The following SLAMF9 variants were observed in gnomAD, a reference collection of about 807,000 sequenced individuals.
The protein encoded by SLAMF9 is CD2 family member 10.
In SLAMF9, 25 loss-of-function variants were observed where a neutral mutation model predicts 30.4. The observed-to-expected ratio is 0.82, with a 90% CI of 0.60 to 1.15. The LOEUF is 1.15. Among genes scored for constraint, SLAMF9 ranks in the 50% most tolerant of loss-of-function variants. The pLI is 0.00. For synonymous variants in SLAMF9, 129 were observed against 127.2 expected (o/e 1.01, Z -0.09); for missense variants, 344 against 346.1 (o/e 0.99, Z 0.05).
chr1:159,980,820 C>T, the SLAMF9 span, among the ~76,000 whole-genome samples: 6,126 of 152,320 alleles, frequency 0.04, 216 homozygotes, highest in African/African-American at 0.096. Flanking sequence ...GGATTACAGG[C>T]GTAAGCCACC....
chr1:159,972,963 C>G, the SLAMF9 span: 1 of 1,184,914 alleles, frequency 8.4e-7, no homozygotes, highest in African/African-American at 1.6e-5. Flanking sequence ...ATGCCCAGAC[C>G]CCTGGGGGCG....
At chr1:159,960,404 C>T in the SLAMF9 span, among the ~76,000 whole-genome samples, 1 of 151,648 alleles carries the variant, frequency 6.6e-6, no homozygotes, top group South Asian at 2.1e-4. Context: ...ATGGAGTGCC[C>T]CATGAAGTTT....
At chr1:159,971,334 G>A in the SLAMF9 span, among the ~76,000 whole-genome samples, 6 of 152,248 alleles carry the variant, frequency 3.9e-5, no homozygotes, top group Admixed American at 3.3e-4. Context: ...CTGATTCTTC[G>A]CTAGGCAACA....
upstream of SLAMF9, among the ~76,000 whole-genome samples, chr1:159,955,580 A>C (rs150138915): frequency 6.6e-6 from 1 of 152,222 alleles, no homozygotes; most frequent in Admixed American, 6.5e-5. Context: ...TGGTCCATAC[A>C]CTGTCTTAAG....
chr1:159,972,896 T>C, the SLAMF9 span: 1 of 991,188 alleles, frequency 1.0e-6, no homozygotes, highest in Non-Finnish European at 1.4e-6. Flanking sequence ...CCTGGCTCCC[T>C]CCTCTCCTGG....
In SLAMF9 at chr1:159,953,350, G is replaced by A. The variant is rs1467958082; in HGVS notation, c.350C>T (p.Ser117Phe). ...LYQAQVNLRTSQISTMQQYNI... is the reference protein window; with the variant it reads ...LYQAQVNLRTFQISTMQQYNI... Reference sequence around the variant, plus strand: ...GTACTGCTGCATGGTAGAGATCTGGGATGTTCTCAGGTTGACTTGAGCTTG... The same window carrying A: ...GTACTGCTGCATGGTAGAGATCTGGAATGTTCTCAGGTTGACTTGAGCTTG... Residue 117 changes from serine to phenylalanine, a missense_variant, in exon 2 of 4, where the codon TCC becomes TTC. Physicochemically the swap from Ser to Phe is radical, Grantham distance 155. Coordinates refer to ENST00000368093, the MANE Select transcript of SLAMF9 (RefSeq NM_033438.4). 6.2e-7 allele frequency: 1 copy of A among 1,612,652 alleles called. No homozygotes were observed. Among genetic ancestry groups the A allele is most frequent in the South Asian group, 1.1e-5 (1 of 91,082 alleles).
upstream of SLAMF9, among the ~76,000 whole-genome samples, chr1:159,957,139 A>G (rs1651939770): frequency 4.3e-5 from 1 of 23,164 alleles, no homozygotes; most frequent in Non-Finnish European, 1.1e-4. Context: ...AAAAAAAAAG[A>G]CAAAAAAAAA....
At chr1:159,966,073 C>T in the SLAMF9 span, among the ~76,000 whole-genome samples, 1,654 of 152,316 alleles carry the variant, frequency 0.011, 13 homozygotes, top group South Asian at 0.033. Context: ...TCTTGTTTAG[C>T]TGAAACTTTG....
the SLAMF9 span, among the ~76,000 whole-genome samples, chr1:159,981,594 G>A: frequency 3.9e-5 from 6 of 152,334 alleles, no homozygotes; most frequent in East Asian, 3.9e-4. Flanking sequence ...CCATTCTCCC[G>A]TGACTGGCCT....
At chr1:159,960,017 T>C in the SLAMF9 span, among the ~76,000 whole-genome samples, 1 of 151,732 alleles carries the variant, frequency 6.6e-6, no homozygotes, top group Non-Finnish European at 1.5e-5. Context: ...TCTTTATATA[T>C]ATATATATAT....
chr1:159,959,335 T>C, the SLAMF9 span, among the ~76,000 whole-genome samples: 1 of 152,090 alleles, frequency 6.6e-6, no homozygotes, highest in Non-Finnish European at 1.5e-5. Context: ...CTATTCTGGG[T>C]GGTCCTTTGC....
At chr1:159,961,553 A>T in the SLAMF9 span, 1 of 110,770 alleles carries the variant, frequency 9.0e-6, no homozygotes, top group Non-Finnish European at 2.0e-5. Flanking sequence ...TGTCAGTGTT[A>T]AAAAGGTGAT....
chr1:159,979,301 G>A, the SLAMF9 span, among the ~76,000 whole-genome samples: 1 of 152,182 alleles, frequency 6.6e-6, no homozygotes, highest in African/African-American at 2.4e-5. Flanking sequence ...ATGAAATTCC[G>A]CTGATGTCTT....
the SLAMF9 span, among the ~76,000 whole-genome samples, chr1:159,969,272 T>C: frequency 7.8e-6 from 1 of 127,526 alleles, no homozygotes; most frequent in African/African-American, 2.9e-5. Context: ...GGGGGATGGA[T>C]AAGGGGGGAA....
chr1:159,951,797 A>G lies in SLAMF9; in HGVS notation c.734T>C (p.Leu245Ser), dbSNP rs1557941971. ...CLLAKGLLIFLLLVILAMGLW... is the reference protein window; with the variant it reads ...CLLAKGLLIFSLLVILAMGLW... ...TCCCATGGCCAGAATTACCAAGAGCAAGAAGATGAGCAATCCCTTGGCCAG... is the reference window on the plus strand; with the variant it reads ...TCCCATGGCCAGAATTACCAAGAGCGAGAAGATGAGCAATCCCTTGGCCAG... The change falls in exon 4 of 4, where the codon TTG becomes TCG. Residue 245 changes from leucine (L) to serine (S), a missense_variant. Physicochemically the swap from Leu to Ser is moderately radical, Grantham distance 145. Coordinates refer to ENST00000368093, the MANE Select transcript of SLAMF9 (RefSeq NM_033438.4). The G allele has an allele frequency of 6.2e-7, 1 of 1,614,210 alleles. No homozygotes were observed. Among genetic ancestry groups the G allele is most frequent in the East Asian group, 2.2e-5 (1 of 44,880 alleles).
At chr1:159,951,893 C>T in intron 3 of SLAMF9, 27 bp from the exon 4 acceptor site, 2 of 1,603,842 alleles carry the variant, frequency 1.2e-6, no homozygotes, top group African/African-American at 1.3e-5. Flanking sequence ...GAGGAAAGGG[C>T]CCATCAGTGG....
the SLAMF9 span, chr1:159,978,680 T>C: frequency 3.3e-5 from 5 of 152,212 alleles, no homozygotes; most frequent in African/African-American, 1.2e-4. Flanking sequence ...ATGGTAGACA[T>C]CAGTGGTGGT....
chr1:159,967,274 G>T, the SLAMF9 span, among the ~76,000 whole-genome samples: 1 of 152,128 alleles, frequency 6.6e-6, no homozygotes, highest in Admixed American at 6.6e-5. Flanking sequence ...TTCTCCTAAT[G>T]CTATCCCTCC....
chr1:159,967,968 A>G, the SLAMF9 span, among the ~76,000 whole-genome samples: 3 of 152,160 alleles, frequency 2.0e-5, no homozygotes, highest in African/African-American at 2.4e-5. Context: ...CTGCAACTTT[A>G]TGGAATTTGT....
Sources: allele counts gnomAD v4.1 joint callset (sites outside exome capture counted in the v4.1 genomes callset), GRCh38; gene constraint gnomAD v4.1.1; transcripts MANE v1.5; gene names NCBI Gene and HGNC (gene_info 2026-07-23, HGNC 2026-07-21).